SEC14L1: variants seen among roughly 807,000 people sequenced by gnomAD.
SEC14L1 encodes SEC14-like protein 1.
SEC14L1 carries 48 observed loss-of-function variants against 85.3 expected under a neutral mutation model. That is an observed-to-expected ratio of 0.56 (90% CI 0.45 to 0.72). SEC14L1 has a LOEUF of 0.72. Ranked by LOEUF, SEC14L1 falls within the 30% of genes least tolerant of loss-of-function variation. The probability of loss-of-function intolerance (pLI) is 0.00; values close to 1 mark genes in which losing one functional copy is unlikely to be tolerated. For synonymous variants in SEC14L1, 391 were observed against 355.5 expected (o/e 1.10, Z -1.12); for missense variants, 682 against 921.4 (o/e 0.74, Z 3.36).
At chr17:77,095,760 T>C (rs778761035) in intron 3 of SEC14L1, among the ~76,000 whole-genome samples, 2 of 151,832 alleles carry the variant, frequency 1.3e-5, no homozygotes, top group South Asian at 4.2e-4. Flanking sequence ...GAGGTTTCGG[T>C]GAGCCAAGGT....
At chr17:77,106,061 C>T (rs965312094) in intron 3 of SEC14L1, among the ~76,000 whole-genome samples, 1 of 151,886 alleles carries the variant, frequency 6.6e-6, no homozygotes, top group Non-Finnish European at 1.5e-5. Flanking sequence ...AAGGAAATCA[C>T]CCTGTACTTT....
In SEC14L1 at chr17:77,126,555, G is replaced by C. The variant is rs117598113; in HGVS notation, c.-135-16091G>C. Among the ~76,000 whole-genome samples the C allele has an allele frequency of 1.2e-4, 18 of 152,252 alleles. No homozygotes were observed. The East Asian group carries it at 3.5e-3, about 29-fold the overall frequency. ...AAACTCAGGTTGCCAGAATCATAGC[G>C]GTTCCTTGCATGCTCCTGGAATTGC... On this transcript the variant is annotated intron_variant, in intron 3 of 19. Transcript: ENST00000392476.
chr17:77,116,450 G>A (rs927377501), intron 3 of SEC14L1, among the ~76,000 whole-genome samples: 3 of 152,104 alleles, frequency 2.0e-5, no homozygotes, highest in South Asian at 2.1e-4. Context: ...GGGAAGGATG[G>A]TGTGGGATTG....
At chr17:77,165,570 T>C (rs1974246301) in intron 3 of SEC14L1, among the ~76,000 whole-genome samples, 2 of 152,150 alleles carry the variant, frequency 1.3e-5, no homozygotes, top group African/African-American at 4.8e-5. Flanking sequence ...CTTTTCCTTT[T>C]AGCTGAGTGA....
At position 77,217,010 on chromosome 17, in the gene SEC14L1, A is replaced by G. The variant is rs1977135104; in HGVS notation, c.*2987A>G. 1.2e-5 allele frequency: 2 copies of G among 164,248 alleles called. No individual in the cohort carries two copies. The highest frequency in any genetic ancestry group is 2.4e-5 in the African/African-American group (1 of 41,692). The allele number at this position is 164,248 out of a possible 1,614,324, so 10.2% of individuals were successfully genotyped here. Reference sequence around the variant, plus strand: ...TATCAAATTCTGTAAATGTTTTGTAAACATATTACCTCACTTGGTAATACA... The same window carrying G: ...TATCAAATTCTGTAAATGTTTTGTAGACATATTACCTCACTTGGTAATACA... On this transcript the variant is annotated 3_prime_UTR_variant, in exon 17 of 17. Coordinates refer to ENST00000436233, the MANE Select transcript of SEC14L1 (RefSeq NM_001143998.2).
chr17:77,168,752 A>G (rs1468525483), intron 3 of SEC14L1, among the ~76,000 whole-genome samples: 1 of 152,160 alleles, frequency 6.6e-6, no homozygotes, highest in Admixed American at 6.5e-5. Flanking sequence ...TTCCCAGGGC[A>G]TTTGGCTGGT....
chr17:77,190,636 A>G (rs1164257461), intron 3 of SEC14L1, among the ~76,000 whole-genome samples, 167 bp from the exon 4 acceptor site: 1 of 152,220 alleles, frequency 6.6e-6, no homozygotes, highest in Non-Finnish European at 1.5e-5. Context: ...ATCCATGGAC[A>G]TGGAGTGTCT....
chr17:77,124,707 G>C (rs1435537655), intron 3 of SEC14L1, among the ~76,000 whole-genome samples: 1 of 152,180 alleles, frequency 6.6e-6, no homozygotes, highest in Non-Finnish European at 1.5e-5. Flanking sequence ...TTGAGGGTTG[G>C]AGTGAGTGAG....
chr17:77,092,138 G>A (rs1049499812), intron 2 of SEC14L1, among the ~76,000 whole-genome samples: 13 of 152,132 alleles, frequency 8.5e-5, no homozygotes, highest in African/African-American at 2.7e-4. Flanking sequence ...TGATTTTCTC[G>A]GCTGTAGTTT....
intron 3 of SEC14L1, among the ~76,000 whole-genome samples, chr17:77,146,498 C>T (rs1040217071): frequency 6.6e-6 from 1 of 152,154 alleles, no homozygotes; most frequent in African/African-American, 2.4e-5. Flanking sequence ...CAGAAGAACT[C>T]GAAATTCAAA....
At chr17:77,185,049 C>T (rs1004778334) in intron 3 of SEC14L1, among the ~76,000 whole-genome samples, 3 of 152,174 alleles carry the variant, frequency 2.0e-5, no homozygotes, top group African/African-American at 4.8e-5. Context: ...CTCTGAAAGA[C>T]GGGTCAGGGT....
At chr17:77,204,312 G>T (rs1976346035) in intron 10 of SEC14L1, among the ~76,000 whole-genome samples, 1 of 151,972 alleles carries the variant, frequency 6.6e-6, no homozygotes. Flanking sequence ...CCACCTCCCA[G>T]GTTCGAGTGA....
At chr17:77,134,320 G>A (rs1972717868) in intron 3 of SEC14L1, among the ~76,000 whole-genome samples, 1 of 151,282 alleles carries the variant, frequency 6.6e-6, no homozygotes, top group Admixed American at 6.6e-5. Context: ...TGCAATCATG[G>A]CTCACTGCAG....
chr17:77,122,273 A>T (rs2143406268), intron 3 of SEC14L1, among the ~76,000 whole-genome samples: 1 of 151,680 alleles, frequency 6.6e-6, no homozygotes, highest in East Asian at 1.9e-4. Flanking sequence ...GGATAGTGAG[A>T]TTATCATTAA....
chr17:77,191,666 C>T (rs117929791), intron 5 of SEC14L1, among the ~76,000 whole-genome samples: 8,030 of 152,170 alleles, frequency 0.053, 313 homozygotes, highest in Admixed American at 0.12. Flanking sequence ...CCTCAGCCTC[C>T]CTAGTAGTTC....
chr17:77,141,175 G>C (rs1973003680), intron 1 of SEC14L1, 68 bp downstream of exon 1: 1 of 151,632 alleles, frequency 6.6e-6, no homozygotes, highest in South Asian at 2.1e-4. Flanking sequence ...GGAGTCCGGC[G>C]CCTCTCGGGC....
At chr17:77,173,688 T>C (rs1210558657) in intron 3 of SEC14L1, among the ~76,000 whole-genome samples, 1 of 152,252 alleles carries the variant, frequency 6.6e-6, no homozygotes, top group Non-Finnish European at 1.5e-5. Context: ...ATAGTTTCCT[T>C]AGTCCAAATA....
chr17:77,189,519 A>C (rs571014229), intron 3 of SEC14L1, among the ~76,000 whole-genome samples: 1 of 152,216 alleles, frequency 6.6e-6, no homozygotes, highest in South Asian at 2.1e-4. Flanking sequence ...ATTTATGTTG[A>C]GTTTTAAGAA....
rs1975714711 is a variant in SEC14L1, at chr17:77,194,732, T to C, written c.530T>C (p.Phe177Ser). ...CAATTAGAAGAAGAAGGCATAACCT[T>C]TGTGCCCCGTTGGAGTCCGCCTTCC... ...LRQLEEEGIT[F>S]VPRWSPPSIT... Residue 177 changes from phenylalanine to serine, a missense_variant, in exon 7 of 17, where the codon TTT becomes TCT. By Grantham distance (155) the Phe-to-Ser change is radical. Transcript: ENST00000436233. The C allele has an allele frequency of 6.2e-7, 1 of 1,614,104 alleles. No homozygotes were observed. Among genetic ancestry groups the C allele is most frequent in the Non-Finnish European group, 8.5e-7 (1 of 1,180,034 alleles).
Sources: allele counts gnomAD v4.1 joint callset (sites outside exome capture counted in the v4.1 genomes callset), GRCh38; gene constraint gnomAD v4.1.1; transcripts MANE v1.5; gene names NCBI Gene and HGNC (gene_info 2026-07-23, HGNC 2026-07-21).